CPEB3: variants seen among roughly 807,000 people sequenced by gnomAD.
CPEB3 encodes cytoplasmic polyadenylation element-binding protein 3.
Under a neutral mutation model 67.2 loss-of-function variants are expected in CPEB3, and 20 were observed. The ratio of observed to expected loss-of-function variants is 0.30; its 90% CI spans 0.21 to 0.43. The LOEUF is 0.43. Among genes scored for constraint, CPEB3 ranks in the 20% least tolerant of loss-of-function variants. The pLI, the probability that CPEB3 is intolerant of heterozygous loss-of-function variation, is 1.00. For synonymous variants in CPEB3, 376 were observed against 393.1 expected (o/e 0.96, Z 0.51); for missense variants, 746 against 968.6 (o/e 0.77, Z 3.05).
intron 7 of CPEB3, among the ~76,000 whole-genome samples, chr10:92,094,285 G>A (rs772098119): frequency 4.3e-4 from 66 of 151,756 alleles, no homozygotes; most frequent in Admixed American, 2.7e-3. Flanking sequence ...GTAGACATTC[G>A]CTCCACCTTT....
chr10:92,098,780 T>C (rs1308376041), intron 7 of CPEB3, among the ~76,000 whole-genome samples: 4 of 147,282 alleles, frequency 2.7e-5, no homozygotes, highest in Admixed American at 1.3e-4. Flanking sequence ...CTTTTTTTTT[T>C]TTTTTTTTTG....
chr10:92,166,034 G>A (rs559048721), intron 4 of CPEB3, among the ~76,000 whole-genome samples: 2 of 152,056 alleles, frequency 1.3e-5, no homozygotes, highest in African/African-American at 2.4e-5. Flanking sequence ...CTTTCTAGAA[G>A]GTTTTCAACT....
chr10:92,258,625 A>AATATATATATATAT (rs56316802), intron 1 of CPEB3, among the ~76,000 whole-genome samples: 1 of 32,910 alleles, frequency 3.0e-5, no homozygotes, highest in Non-Finnish European at 4.6e-5. Flanking sequence ...ATATTTTTTG[A>AATATATATATATAT]ATATATATAT....
At chr10:92,090,251 T>C (rs1188793347) in intron 8 of CPEB3, among the ~76,000 whole-genome samples, 2 of 152,218 alleles carry the variant, frequency 1.3e-5, no homozygotes, top group Non-Finnish European at 1.5e-5. Flanking sequence ...ACATAAAAAC[T>C]AATTTGTGGC....
intron 1 of CPEB3, among the ~76,000 whole-genome samples, chr10:92,266,525 C>T (rs1348573717): frequency 6.6e-6 from 1 of 152,058 alleles, no homozygotes; most frequent in Non-Finnish European, 1.5e-5. Context: ...GGTGGGCTCC[C>T]AACACTCACT....
chr10:92,109,960 T>C (rs1844653028), intron 7 of CPEB3, among the ~76,000 whole-genome samples: 1 of 152,318 alleles, frequency 6.6e-6, no homozygotes, highest in East Asian at 1.9e-4. Flanking sequence ...TTTGTACAAG[T>C]ATCTGACCTC....
At chr10:92,156,962 G>A (rs1431911058) in intron 4 of CPEB3, among the ~76,000 whole-genome samples, 1 of 152,052 alleles carries the variant, frequency 6.6e-6, no homozygotes, top group East Asian at 1.9e-4. Context: ...AAAATACTAC[G>A]AATTTAGCAT....
At chr10:92,116,252 T>TA (rs1208917572) in intron 6 of CPEB3, among the ~76,000 whole-genome samples, 5,172 of 145,844 alleles carry the variant, frequency 0.035, 175 homozygotes, top group African/African-American at 0.076. Flanking sequence ...CACCTTCCAG[T>TA]AAAAAAAAAA....
chr10:92,192,253 C>CA (rs1421072564), intron 3 of CPEB3, among the ~76,000 whole-genome samples: 2 of 152,060 alleles, frequency 1.3e-5, no homozygotes, highest in Non-Finnish European at 2.9e-5. Flanking sequence ...CTCAGCTACC[C>CA]AATTCATGCT....
At chr10:92,135,422 G>A (rs887716063) in intron 6 of CPEB3, among the ~76,000 whole-genome samples, 15 of 152,084 alleles carry the variant, frequency 9.9e-5, no homozygotes, top group Admixed American at 3.9e-4. Flanking sequence ...GCTCATCATC[G>A]CTGGTCATCA....
At position 92,240,045 on chromosome 10, in the gene CPEB3, C is replaced by G. The variant is rs775367543; in HGVS notation, c.306G>C (p.Ser102=). The part of the protein sequence containing the change: ...PPQEPAAPGA[S]LSPSFGSTWS... ...AGGTGCTGCCGAAGGACGGCGACAG[C>G]GACGCGCCCGGTGCCGCGGGCTCCT... The change falls in exon 2 of 10, where the codon TCG becomes TCC. Residue 102 remains serine, a synonymous_variant. Coordinates refer to ENST00000265997, the MANE Select transcript of CPEB3 (RefSeq NM_014912.5). The G allele has an allele frequency of 6.3e-6, 10 of 1,597,550 alleles. No homozygotes were observed. Among genetic ancestry groups the G allele is most frequent in the Non-Finnish European group, 8.5e-6 (10 of 1,172,378 alleles).
At chr10:92,201,520 A>G (rs910786173) in intron 2 of CPEB3, among the ~76,000 whole-genome samples, 6 of 150,788 alleles carry the variant, frequency 4.0e-5, no homozygotes, top group Non-Finnish European at 8.8e-5. Context: ...AGAACAAGAC[A>G]CTGTCTCAGA....
intron 1 of CPEB3, among the ~76,000 whole-genome samples, chr10:92,240,664 T>C (rs1386269352): frequency 6.6e-6 from 1 of 152,080 alleles, no homozygotes; most frequent in African/African-American, 2.4e-5. Context: ...TTTCGCCACG[T>C]CTCTTTTCCC....
chr10:92,135,594 A>G (rs540358631), intron 6 of CPEB3, among the ~76,000 whole-genome samples: 1 of 152,204 alleles, frequency 6.6e-6, no homozygotes, highest in Admixed American at 6.5e-5. Context: ...ATTGTGGAAG[A>G]CAGTGTGGCA....
At chr10:92,168,516 G>A (rs1039848499) in intron 4 of CPEB3, among the ~76,000 whole-genome samples, 1 of 152,002 alleles carries the variant, frequency 6.6e-6, no homozygotes, top group Non-Finnish European at 1.5e-5. Context: ...ATCTTGAATT[G>A]TAGTTCCCAT....
At chr10:92,098,777 T>TC (rs199685366) in intron 7 of CPEB3, among the ~76,000 whole-genome samples, 2 of 145,648 alleles carry the variant, frequency 1.4e-5, no homozygotes, top group African/African-American at 5.1e-5. Flanking sequence ...TTTCTTTTTT[T>TC]TTTTTTTTTT....
intron 2 of CPEB3, among the ~76,000 whole-genome samples, chr10:92,212,134 G>A (rs1850124593): frequency 1.3e-5 from 2 of 151,500 alleles, no homozygotes; most frequent in South Asian, 4.2e-4. Flanking sequence ...GCTCACCTTG[G>A]CCTCCCAAAG....
intron 4 of CPEB3, among the ~76,000 whole-genome samples, chr10:92,148,738 G>A (rs1315566833): frequency 1.3e-5 from 2 of 152,132 alleles, no homozygotes; most frequent in Non-Finnish European, 2.9e-5. Context: ...GCAAATCTAT[G>A]ATGAAACACA....
chr10:92,219,462 A>G (rs57762009), intron 2 of CPEB3, among the ~76,000 whole-genome samples: 9,974 of 152,166 alleles, frequency 0.066, 1,082 homozygotes, highest in African/African-American at 0.23. Context: ...TATACCTCAC[A>G]ATGTGAAGGA....
Sources: gnomAD v4.1 joint callset for allele counts (sites outside exome capture counted in the v4.1 genomes callset) on GRCh38, gnomAD v4.1.1 for gene constraint, MANE v1.5 for transcripts, NCBI Gene and HGNC (gene_info 2026-07-23, HGNC 2026-07-21) for gene names.